Variants in TACC2 observed in about 807,000 individuals in gnomAD.
The protein encoded by TACC2 is transforming acidic coiled-coil-containing protein 2.
Under a neutral mutation model 227.3 loss-of-function variants are expected in TACC2, and 137 were observed. The ratio of observed to expected loss-of-function variants is 0.60; its 90% CI spans 0.52 to 0.69. The LOEUF is 0.69. Ranked by LOEUF, TACC2 falls within the 30% of genes least tolerant of loss-of-function variation. TACC2 has a pLI of 0.00. For missense variants in TACC2, 3,470 were observed against 3,694.4 expected (o/e 0.94, Z 1.57); for synonymous variants, 1,523 against 1,487.5 (o/e 1.02, Z -0.55).
intron 22 of TACC2, among the ~76,000 whole-genome samples, chr10:122,251,763 A>G (rs891759489): frequency 6.6e-6 from 1 of 152,250 alleles, no homozygotes; most frequent in Non-Finnish European, 1.5e-5. Flanking sequence ...CTATTGTAGC[A>G]GTTGAACATA....
At position 122,087,879 on chromosome 10, in the gene TACC2, C is replaced by T. The variant is rs758141860; in HGVS notation, c.5379C>T (p.Cys1793=). The change falls in exon 4 of 23, where the codon TGC becomes TGT. Residue 1793 remains cysteine (C), a synonymous_variant. Coordinates refer to ENST00000369005, the MANE Select transcript of TACC2 (RefSeq NM_206862.4). ...TTCCAGCTGGGGATGGGAAGGTGTG[C>T]GTCTCCTCACCTCCAGAGCCTGACG... ...RPIPAGDGKV[C]VSSPPEPDET... is the part of the protein sequence containing the mutation. 18 of 1,519,392 alleles carry T rather than the reference C, an allele frequency of 1.2e-5. No homozygotes were observed. Among genetic ancestry groups the T allele is most frequent in the African/African-American group, 4.2e-5 (3 of 71,816 alleles). 94.1% of individuals were successfully genotyped at this position (1,519,392 alleles called of 1,614,324 possible).
At chr10:122,181,052 G>T (rs558011842) in intron 7 of TACC2, among the ~76,000 whole-genome samples, 2 of 152,178 alleles carry the variant, frequency 1.3e-5, no homozygotes, top group South Asian at 4.2e-4. Context: ...CCAAGAGGGA[G>T]AAATTTTAAG....
At position 122,084,380 on chromosome 10, in the gene TACC2, A is replaced by C. The variant is rs770408995; in HGVS notation, c.1880A>C (p.His627Pro). 6.2e-7 allele frequency: 1 copy of C among 1,613,406 alleles called. No homozygotes were observed. The highest frequency in any genetic ancestry group is 8.5e-7 in the Non-Finnish European group (1 of 1,180,034). ...AGCAGTGATGCAGAGAGCAGAGACCATCCCAGCTCACACTCAGCACAGCCA... is the reference window on the plus strand; with the variant it reads ...AGCAGTGATGCAGAGAGCAGAGACCCTCCCAGCTCACACTCAGCACAGCCA... The part of the protein sequence containing the change: ...KPSSDAESRD[H>P]PSSHSAQPPR... Residue 627 changes from histidine (H) to proline (P), a missense_variant, in exon 4 of 23, where the codon CAT becomes CCT. Physicochemically the swap from His to Pro is moderately conservative, Grantham distance 77 (BLOSUM62 -2). Coordinates refer to ENST00000369005, the MANE Select transcript of TACC2 (RefSeq NM_206862.4).
Position 122,249,427 on chromosome 10 carries a change from C to G in TACC2, c.8661-117C>G, listed in dbSNP as rs7906954. 0.028 allele frequency: 38,863 copies of G among 1,403,994 alleles called. 4,795 individuals are homozygous for G. In the African/African-American group the frequency reaches 0.36, roughly 13 times the overall value. 87.0% of individuals were successfully genotyped at this position (1,403,994 alleles called of 1,614,324 possible). On this transcript the variant is annotated intron_variant, in intron 21 of 22. Coordinates refer to ENST00000369005, the MANE Select transcript of TACC2 (RefSeq NM_206862.4). ...TCTCATGGGCTCCTGTGCTCCAGCT[C>G]CAGTTGGTGGCAGCTGGGGCCAGAC...
chr10:122,094,288 T>G (rs1417832945), intron 5 of TACC2, among the ~76,000 whole-genome samples: 2 of 152,198 alleles, frequency 1.3e-5, no homozygotes, highest in Non-Finnish European at 2.9e-5. Flanking sequence ...TTTATTTATT[T>G]ATTTTAGAGA....
intron 7 of TACC2, chr10:122,192,699 G>C (rs1166014333): frequency 6.6e-6 from 3 of 456,656 alleles, no homozygotes; most frequent in African/African-American, 6.0e-5. Context: ...CCTCCTGGCA[G>C]AGGTGGTCCC....
At chr10:122,081,022 GA>G (rs2079416238) in intron 3 of TACC2, among the ~76,000 whole-genome samples, 1 of 152,076 alleles carries the variant, frequency 6.6e-6, no homozygotes, top group Non-Finnish European at 1.5e-5. Flanking sequence ...CTTGTTAATA[GA>G]ATATATATGA....
chr10:122,216,072 G>T (rs1022381800), intron 10 of TACC2, among the ~76,000 whole-genome samples: 1 of 152,158 alleles, frequency 6.6e-6, no homozygotes, highest in African/African-American at 2.4e-5. Context: ...CAAAGCCCCA[G>T]CCTGCAGACC....
At chr10:122,078,252 T>C (rs541647003) in intron 3 of TACC2, among the ~76,000 whole-genome samples, 5 of 144,214 alleles carry the variant, frequency 3.5e-5, no homozygotes, top group African/African-American at 1.3e-4. Flanking sequence ...CCTGAGTCAG[T>C]GTTTAGTACA....
intron 5 of TACC2, among the ~76,000 whole-genome samples, chr10:122,116,114 A>G (rs1248127583): frequency 1.3e-5 from 2 of 152,198 alleles, no homozygotes; most frequent in Admixed American, 1.3e-4. Context: ...GAGGATTATG[A>G]AATCATTCAG....
At chr10:122,066,237 A>G (rs1398935250) in intron 3 of TACC2, among the ~76,000 whole-genome samples, 1 of 150,464 alleles carries the variant, frequency 6.6e-6, no homozygotes, top group Non-Finnish European at 1.5e-5. Flanking sequence ...CCCCCCAAGT[A>G]GCTGGGACTA....
At chr10:122,041,437 CTTTCTTT>C (rs2074245535) in intron 2 of TACC2, among the ~76,000 whole-genome samples, 1 of 107,836 alleles carries the variant, frequency 9.3e-6, no homozygotes, top group African/African-American at 3.1e-5. Context: ...ACAGAGTTTC[CTTTCTTT>C]TTTTTTTTTT....
chr10:122,016,058 G>A (rs1285619003), intron 1 of TACC2, among the ~76,000 whole-genome samples: 6 of 150,344 alleles, frequency 4.0e-5, no homozygotes, highest in Non-Finnish European at 5.9e-5. Context: ...CCCAGGAATT[G>A]GAGACCAGCC....
intron 3 of TACC2, among the ~76,000 whole-genome samples, chr10:122,055,468 C>T (rs1591518641): frequency 6.6e-6 from 1 of 152,138 alleles, no homozygotes; most frequent in African/African-American, 2.4e-5. Context: ...AACAGAAAAG[C>T]AAACACTGCA....
intron 2 of TACC2, among the ~76,000 whole-genome samples, chr10:122,049,474 G>T (rs1487394846): frequency 6.6e-6 from 1 of 152,114 alleles, no homozygotes; most frequent in African/African-American, 2.4e-5. Flanking sequence ...CAGGGACATG[G>T]GGCACTATGA....
rs958661871 is a variant in TACC2 at position 122,150,872 on chromosome 10, C to A, written c.5834+7166C>A. Among the ~76,000 whole-genome samples, 2 of 152,142 alleles carry A rather than the reference C, an allele frequency of 1.3e-5. No individual in the cohort carries two copies. The highest frequency in any genetic ancestry group is 2.9e-5 in the Non-Finnish European group (2 of 68,024). On this transcript the variant is annotated intron_variant, in intron 7 of 22. Transcript: ENST00000369005. The surrounding 1 kb of genome is among the most constrained non-coding windows in gnomAD (Gnocchi z 4.0). ...AGCCAGCCTCTCGGCAGATACATCC[C>A]GGTTGATTCTATGCCACGGACTATT...
Position 122,141,209 on chromosome 10 carries a change from G to C in TACC2, c.5700-2363G>C, listed in dbSNP as rs1397594793. On this transcript the variant is annotated intron_variant, in intron 6 of 22. Coordinates refer to ENST00000369005, the MANE Select transcript of TACC2 (RefSeq NM_206862.4). The surrounding 1 kb of genome is among the most constrained non-coding windows in gnomAD (Gnocchi z 4.3). ...GTCAGGAGGGAAGAGGAGAAGTTCT[G>C]TTGGGCCCAGGAGGTGTCTGTGGGG... Among the ~76,000 whole-genome samples the C allele has an allele frequency of 6.6e-6, 1 of 152,124 alleles. No individual in the cohort carries two copies. The highest frequency in any genetic ancestry group is 2.4e-5 in the African/African-American group (1 of 41,418).
At chr10:122,245,288 C>T (rs566387996) in intron 19 of TACC2, among the ~76,000 whole-genome samples, 5 of 152,226 alleles carry the variant, frequency 3.3e-5, no homozygotes, top group African/African-American at 4.8e-5. Context: ...AACCTAACTG[C>T]GTTTGTCATG....
At chr10:122,149,395 G>A (rs1182452640) in intron 7 of TACC2, among the ~76,000 whole-genome samples, 1 of 152,204 alleles carries the variant, frequency 6.6e-6, no homozygotes, top group South Asian at 2.1e-4. Context: ...TGCTGGGCAG[G>A]AGGCCCAGGA....
Sources: gnomAD v4.1 joint callset for allele counts (sites outside exome capture counted in the v4.1 genomes callset) on GRCh38, gnomAD v4.1.1 for gene constraint, Gnocchi (gnomAD v3.1) non-coding constraint, MANE v1.5 for transcripts, NCBI Gene and HGNC (gene_info 2026-07-23, HGNC 2026-07-21) for gene names.